The following SLC9A7 variants were observed in gnomAD, a reference collection of about 807,000 sequenced individuals.
SLC9A7 encodes the protein solute carrier family 9 member A7, also known as sodium/hydrogen exchanger 7.
A neutral mutation model predicts 52.6 loss-of-function variants in SLC9A7; 19 were observed. The observed-to-expected ratio is 0.36, with a 90% CI of 0.25 to 0.53. The LOEUF (loss-of-function observed/expected upper bound fraction) is 0.53, where lower values mean the gene tolerates loss of function less well. Ranked by LOEUF, SLC9A7 falls within the 20% of genes least tolerant of loss-of-function variation. SLC9A7 has a pLI of 0.91. For missense variants in SLC9A7, 455 were observed against 597.9 expected, an observed-to-expected ratio of 0.76 and a Z score of 2.49; for synonymous variants, 226 against 252.1, an observed-to-expected ratio of 0.90 and a Z score of 0.98.
intron 11 of SLC9A7, among the ~76,000 whole-genome samples, chrX:46,644,171 G>T (rs781570000): frequency 1.1e-4 from 12 of 112,288 alleles, no homozygotes; most frequent in Non-Finnish European, 2.3e-4. Context: ...TAGCTCACGG[G>T]CTATGTGAAG....
At chrX:46,620,585 C>T (rs927425951) in intron 15 of SLC9A7, among the ~76,000 whole-genome samples, 1 of 111,736 alleles carries the variant, frequency 8.9e-6, no homozygotes, top group Non-Finnish European at 1.9e-5. Flanking sequence ...CAGACTTGGC[C>T]GAGTTCATCC....
chrX:46,730,666 A>AAAT (rs1472096252), intron 1 of SLC9A7, among the ~76,000 whole-genome samples: 2 of 58,294 alleles, frequency 3.4e-5, no homozygotes, highest in African/African-American at 1.3e-4. Flanking sequence ...TCAAAAAAAA[A>AAAT]AAATTATATA....
intron 1 of SLC9A7, among the ~76,000 whole-genome samples, chrX:46,732,916 A>T (rs746298953): frequency 5.3e-5 from 6 of 112,452 alleles, no homozygotes; most frequent in Non-Finnish European, 9.4e-5. Context: ...ACCTCTTCGT[A>T]CCAATATGGC....
Position 46,599,476 on chromosome X carries a change from C to CAGTT in SLC9A7, c.*7472_*7475dup, listed in dbSNP as rs953502179. ...AAATACAAAACAAAATTAGCTCAGC[C>CAGTT]AGTTAGTTGTTTTATTTTGAGTTTT... On this transcript the variant is annotated 3_prime_UTR_variant, in exon 17 of 17. Transcript: ENST00000616978. 8 of 111,832 alleles carry CAGTT rather than the reference C, an allele frequency of 7.2e-5. No individual in the cohort carries two copies. The highest frequency in any genetic ancestry group is 4.2e-3 in the Middle Eastern group (1 of 237). 9.2% of individuals were successfully genotyped at this position (111,832 alleles called of 1,213,427 possible).
At chrX:46,701,372 G>C (rs1421769860) in intron 1 of SLC9A7, among the ~76,000 whole-genome samples, 1 of 111,267 alleles carries the variant, frequency 9.0e-6, no homozygotes, top group African/African-American at 3.3e-5. Context: ...TGGATCACGA[G>C]GTCAGGAGTT....
chrX:46,655,682 A>G (rs1361406989), intron 7 of SLC9A7, among the ~76,000 whole-genome samples: 1 of 112,645 alleles, frequency 8.9e-6, no homozygotes, highest in Admixed American at 9.3e-5. Flanking sequence ...AAAACAGCGC[A>G]CCAGGAGATT....
chrX:46,705,895 T>C (rs1187658626), intron 1 of SLC9A7, among the ~76,000 whole-genome samples: 1 of 110,770 alleles, frequency 9.0e-6, no homozygotes, highest in Non-Finnish European at 1.9e-5. Flanking sequence ...CTTTCTTTTG[T>C]TGAAGTGCTG....
chrX:46,747,699 C>CA (rs985827538), intron 1 of SLC9A7, among the ~76,000 whole-genome samples: 16 of 111,182 alleles, frequency 1.4e-4, no homozygotes, highest in Non-Finnish European at 2.6e-4. Flanking sequence ...AACTCAATGA[C>CA]AAAAAAACCC....
intron 1 of SLC9A7, among the ~76,000 whole-genome samples, chrX:46,755,212 T>A: frequency 8.9e-6 from 1 of 112,054 alleles, no homozygotes; most frequent in Non-Finnish European, 1.9e-5. Context: ...GTCCTCTGCA[T>A]CCAAGCAAGC....
chrX:46,606,761 A>G lies in SLC9A7; in HGVS notation c.*191T>C, dbSNP rs1229162126. 11 of 1,089,950 alleles carry G rather than the reference A, an allele frequency of 1.0e-5. No individual in the cohort carries two copies. The African/African-American group carries it at 2.1e-4, about 21-fold the overall frequency. The allele number at this position is 1,089,950 out of a possible 1,213,427, so 89.8% of individuals were successfully genotyped here. ...TGGGAATAGGTCTACGTTTGTCTGAATTTAGAGACACTTTTGCCTCACCAT... is the reference window on the plus strand; with the variant it reads ...TGGGAATAGGTCTACGTTTGTCTGAGTTTAGAGACACTTTTGCCTCACCAT... On this transcript the variant is annotated 3_prime_UTR_variant, in exon 17 of 17. Coordinates refer to ENST00000616978, the MANE Select transcript of SLC9A7 (RefSeq NM_001257291.2).
At chrX:46,684,737 T>C (rs991148113) in intron 1 of SLC9A7, 2 of 113,827 alleles carry the variant, frequency 1.8e-5, no homozygotes, top group Non-Finnish European at 3.7e-5. Flanking sequence ...CTAGAAATGG[T>C]TGGCTGGCAT....
At chrX:46,663,446 C>T (rs1183782849) in intron 5 of SLC9A7, among the ~76,000 whole-genome samples, 1 of 105,166 alleles carries the variant, frequency 9.5e-6, no homozygotes, top group Non-Finnish European at 1.9e-5. Context: ...CGACACAAGC[C>T]TGACCAACAC....
chrX:46,613,469 C>T, intron 15 of SLC9A7, 75 bp from the exon 16 acceptor site: 1 of 721,455 alleles, frequency 1.4e-6, no homozygotes, highest in Non-Finnish European at 2.0e-6. Flanking sequence ...AAAAATTGCC[C>T]GACATTCCAC....
chrX:46,702,608 G>A (rs751540669), intron 1 of SLC9A7, among the ~76,000 whole-genome samples: 42 of 111,923 alleles, frequency 3.8e-4, no homozygotes, highest in African/African-American at 1.3e-3. Flanking sequence ...TGCAAAGAAC[G>A]TAATCTTGTT....
At chrX:46,749,533 G>A (rs966496215) in intron 1 of SLC9A7, among the ~76,000 whole-genome samples, 1 of 111,466 alleles carries the variant, frequency 9.0e-6, no homozygotes, top group South Asian at 3.8e-4. Context: ...TCTCATGTAC[G>A]AAGGCCTGGT....
In SLC9A7 at chrX:46,662,618, T is replaced by C. The variant is rs1943843515; in HGVS notation, c.819A>G (p.Glu273=). The C allele has an allele frequency of 1.7e-6, 2 of 1,207,253 alleles. No homozygotes were observed. Among genetic ancestry groups the C allele is most frequent in the East Asian group, 5.9e-5 (2 of 33,753 alleles). Reference sequence around the variant, plus strand: ...CGTAAAGATCCACGTCTGCATGCAATTCATTAAATATCGCCAGCACAGTCA... The same window carrying C: ...CGTAAAGATCCACGTCTGCATGCAACTCATTAAATATCGCCAGCACAGTCA... ...DPVTVLAIFN[E]LHADVDLYAL... is the part of the protein sequence containing the mutation. Residue 273 remains glutamate (E), a synonymous_variant, in exon 6 of 17, where the codon GAA becomes GAG. Coordinates refer to ENST00000616978, the MANE Select transcript of SLC9A7 (RefSeq NM_001257291.2).
In SLC9A7 at chrX:46,682,367, T is replaced by G; in HGVS notation, c.494A>C (p.Asn165Thr). Residue 165 changes from asparagine (N) to threonine (T), a missense_variant, in exon 2 of 17, where the codon AAC becomes ACC. Physicochemically the swap from Asn to Thr is moderately conservative, Grantham distance 65. Transcript: ENST00000616978. Reference protein sequence around the residue: ...LKGEISPGKINSVEQNDMLRK... With the variant: ...LKGEISPGKITSVEQNDMLRK... ...TAGCATATCATTCTGCTCTACGCTGTTGATCTTGCCAGGACTGATTTCTCC... is the reference window on the plus strand; with the variant it reads ...TAGCATATCATTCTGCTCTACGCTGGTGATCTTGCCAGGACTGATTTCTCC... The G allele has an allele frequency of 8.3e-7, 1 of 1,211,848 alleles. No homozygotes were observed. The highest frequency in any genetic ancestry group is 1.1e-6 in the Non-Finnish European group (1 of 895,426).
At chrX:46,657,521 G>A (rs1369726953) in intron 7 of SLC9A7, among the ~76,000 whole-genome samples, 6 of 109,036 alleles carry the variant, frequency 5.5e-5, no homozygotes, top group African/African-American at 2.0e-4. Context: ...TAAAAGGATG[G>A]AGGAAGATCT....
At chrX:46,689,113 C>T (rs1368703705) in intron 1 of SLC9A7, among the ~76,000 whole-genome samples, 1 of 111,535 alleles carries the variant, frequency 9.0e-6, no homozygotes, top group Non-Finnish European at 1.9e-5. Flanking sequence ...TCTACCACTC[C>T]CCCAAAACTC....
Sources: allele counts gnomAD v4.1 joint callset (sites outside exome capture counted in the v4.1 genomes callset), GRCh38; gene constraint gnomAD v4.1.1; transcripts MANE v1.5; gene names NCBI Gene and HGNC (gene_info 2026-07-23, HGNC 2026-07-21).